The following SMYD3 variants were observed in gnomAD, a reference collection of about 807,000 sequenced individuals.
SMYD3 encodes SET and MYND domain containing 3, also known as histone-lysine N-methyltransferase SMYD3.
In SMYD3, 36 loss-of-function variants were observed where a neutral mutation model predicts 57.7. That is an observed-to-expected ratio of 0.62 (90% confidence interval 0.48 to 0.82). The LOEUF is 0.82. Among genes scored for constraint, SMYD3 ranks in the 40% least tolerant of loss-of-function variants. SMYD3 has a pLI of 0.00. For synonymous variants in SMYD3, 211 were observed against 195.0 expected, an observed-to-expected ratio of 1.08 and a Z score of -0.68; for missense variants, 515 against 538.8, an observed-to-expected ratio of 0.96 and a Z score of 0.44.
At chr1:245,898,944 A>C (rs1349545012) in intron 8 of SMYD3, among the ~76,000 whole-genome samples, 1 of 152,172 alleles carries the variant, frequency 6.6e-6, no homozygotes, top group Non-Finnish European at 1.5e-5. Flanking sequence ...GGTAAGTTTT[A>C]TTTTTTTCCA....
At chr1:246,046,569 A>T (rs2059969375) in intron 5 of SMYD3, among the ~76,000 whole-genome samples, 1 of 151,600 alleles carries the variant, frequency 6.6e-6, no homozygotes, top group African/African-American at 2.4e-5. Flanking sequence ...GCACATGTAT[A>T]CATATGTAAC....
chr1:245,951,899 T>C (rs1326473575), intron 5 of SMYD3, among the ~76,000 whole-genome samples: 1 of 152,218 alleles, frequency 6.6e-6, no homozygotes, highest in African/African-American at 2.4e-5. Context: ...TTTGCACAAA[T>C]GCTCTCATTT....
intron 5 of SMYD3, among the ~76,000 whole-genome samples, chr1:246,185,109 C>T (rs1463784920): frequency 2.6e-5 from 4 of 152,206 alleles, no homozygotes; most frequent in African/African-American, 9.6e-5. Flanking sequence ...TTTCTATAAG[C>T]ACTAATGGTG....
chr1:246,250,501 T>C (rs10802370), intron 5 of SMYD3, among the ~76,000 whole-genome samples: 31,443 of 151,990 alleles, frequency 0.21, 3,923 homozygotes, highest in East Asian at 0.57. Flanking sequence ...AATCATTATA[T>C]TTATATAGCA....
chr1:245,796,473 C>G (rs963996682), intron 10 of SMYD3, among the ~76,000 whole-genome samples: 19 of 152,042 alleles, frequency 1.2e-4, no homozygotes, highest in African/African-American at 4.6e-4. Context: ...AAAGAACTGT[C>G]TATGATCAAC....
intron 5 of SMYD3, among the ~76,000 whole-genome samples, chr1:246,046,425 T>G (rs945155245): frequency 2.0e-5 from 3 of 151,772 alleles, no homozygotes; most frequent in Admixed American, 1.3e-4. Context: ...AATTGAACAA[T>G]GAGAACACTT....
chr1:246,452,829 T>C (rs997113190), intron 1 of SMYD3, among the ~76,000 whole-genome samples: 3 of 152,148 alleles, frequency 2.0e-5, no homozygotes, highest in Non-Finnish European at 4.4e-5. Context: ...TTCATATCAG[T>C]CTATAACTTT....
intron 1 of SMYD3, among the ~76,000 whole-genome samples, chr1:246,496,252 T>G (rs2068359155): frequency 6.6e-6 from 1 of 151,982 alleles, no homozygotes; most frequent in African/African-American, 2.4e-5. Context: ...GCCAGGATGG[T>G]CTCTATCTCT....
chr1:246,217,964 A>T (rs1315331763), intron 5 of SMYD3, among the ~76,000 whole-genome samples: 1 of 152,170 alleles, frequency 6.6e-6, no homozygotes, highest in African/African-American at 2.4e-5. Flanking sequence ...TGTTCAATGG[A>T]AGATAAATAC....
intron 5 of SMYD3, among the ~76,000 whole-genome samples, chr1:246,145,104 T>C (rs1340741894): frequency 6.6e-6 from 1 of 152,212 alleles, no homozygotes; most frequent in African/African-American, 2.4e-5. Flanking sequence ...TAGTAAACTA[T>C]AGCCTTGACC....
chr1:246,158,799 C>G (rs551340064), intron 5 of SMYD3, among the ~76,000 whole-genome samples: 1 of 152,204 alleles, frequency 6.6e-6, no homozygotes, highest in South Asian at 2.1e-4. Context: ...GCTCTTTAAT[C>G]TAGATAACAC....
intron 5 of SMYD3, among the ~76,000 whole-genome samples, chr1:246,151,029 C>T (rs935403328): frequency 2.6e-5 from 4 of 152,040 alleles, no homozygotes; most frequent in Admixed American, 6.6e-5. Flanking sequence ...GGGTGGATCA[C>T]GAGGTCAGGA....
chr1:245,882,266 C>T (rs1435209487), intron 8 of SMYD3, among the ~76,000 whole-genome samples: 1 of 152,164 alleles, frequency 6.6e-6, no homozygotes, highest in Non-Finnish European at 1.5e-5. Context: ...CTCATTCTGG[C>T]ACGCTGCTTG....
In SMYD3 at chr1:245,929,730, T is replaced by G. The variant is rs1168037118; in HGVS notation, c.599+140A>C. ...TCTTTCAACTTAACATTTTCCATTT[T>G]TTTGTAATTTATTGCTAAGTTTTAA... is the stretch of plus-strand genomic sequence containing the variant. On this transcript the variant is annotated intron_variant, in intron 6 of 11. Coordinates refer to ENST00000490107, the MANE Select transcript of SMYD3 (RefSeq NM_001167740.2). 5.2e-5 allele frequency: 34 copies of G among 657,890 alleles called. 1 individual carries two copies. The South Asian group carries it at 5.5e-4, about 11-fold the overall frequency. 40.8% of individuals were successfully genotyped at this position (657,890 alleles called of 1,614,324 possible).
At chr1:246,229,160 A>G (rs1251341321) in intron 5 of SMYD3, among the ~76,000 whole-genome samples, 1 of 152,208 alleles carries the variant, frequency 6.6e-6, no homozygotes, top group East Asian at 1.9e-4. Context: ...AAATAATGTT[A>G]GAATATTATC....
intron 2 of SMYD3, 40 bp from the exon 3 acceptor site, chr1:246,335,514 A>T: frequency 6.5e-6 from 10 of 1,546,146 alleles, no homozygotes; most frequent in Non-Finnish European, 8.9e-6. Context: ...GTGACCTAAA[A>T]TTTAACTTTC....
At chr1:246,247,783 A>C (rs1328202983) in intron 5 of SMYD3, among the ~76,000 whole-genome samples, 1 of 152,166 alleles carries the variant, frequency 6.6e-6, no homozygotes. Context: ...CCTTCAAAAA[A>C]ATAAATTCTT....
intron 7 of SMYD3, among the ~76,000 whole-genome samples, chr1:245,924,946 G>T (rs981338686): frequency 4.6e-5 from 7 of 152,062 alleles, no homozygotes; most frequent in African/African-American, 1.7e-4. Flanking sequence ...TTACAGGCAT[G>T]AGCCACGGTG....
chr1:246,004,933 C>T (rs1232527252), intron 5 of SMYD3, among the ~76,000 whole-genome samples: 2 of 152,178 alleles, frequency 1.3e-5, no homozygotes, highest in African/African-American at 2.4e-5. Flanking sequence ...CAGCCTCAAC[C>T]TCCTTGGACT....
Sources: allele counts gnomAD v4.1 joint callset (sites outside exome capture counted in the v4.1 genomes callset), GRCh38; gene constraint gnomAD v4.1.1; transcripts MANE v1.5; gene names NCBI Gene and HGNC (gene_info 2026-07-23, HGNC 2026-07-21).